IMPG1: variants seen among roughly 807,000 people sequenced by gnomAD.
IMPG1 encodes the protein interphotoreceptor matrix proteoglycan 1.
IMPG1 carries 85 observed loss-of-function variants against 92.0 expected under a neutral mutation model. The ratio of observed to expected loss-of-function variants is 0.92; its 90% CI spans 0.78 to 1.11. IMPG1 has a LOEUF of 1.11. Among genes scored for constraint, IMPG1 ranks in the 50% least tolerant of loss-of-function variants. The probability of loss-of-function intolerance (pLI) is 0.00; values close to 1 mark genes in which losing one functional copy is unlikely to be tolerated. For missense variants in IMPG1, 1,022 were observed against 956.0 expected, an observed-to-expected ratio of 1.07 and a Z score of -0.91; for synonymous variants, 367 against 334.1, an observed-to-expected ratio of 1.10 and a Z score of -1.08.
At chr6:75,972,741 C>A (rs1471530759) in intron 12 of IMPG1, among the ~76,000 whole-genome samples, 1 of 152,224 alleles carries the variant, frequency 6.6e-6, no homozygotes, top group Non-Finnish European at 1.5e-5. Flanking sequence ...ATTCTTCAGT[C>A]ATTCTTTAAA....
chr6:75,946,336 T>C (rs913663242), intron 14 of IMPG1, among the ~76,000 whole-genome samples: 1 of 152,200 alleles, frequency 6.6e-6, no homozygotes, highest in Admixed American at 6.5e-5. Context: ...CTGAGCCTTT[T>C]TGGTTTGCAT....
At chr6:76,022,697 A>G (rs1216399151) in intron 5 of IMPG1, among the ~76,000 whole-genome samples, 2 of 152,236 alleles carry the variant, frequency 1.3e-5, no homozygotes, top group Non-Finnish European at 2.9e-5. Context: ...CTTTTAGAAC[A>G]GATCACCATA....
intron 12 of IMPG1, among the ~76,000 whole-genome samples, chr6:76,002,110 A>G (rs1783002141): frequency 6.6e-6 from 1 of 152,156 alleles, no homozygotes; most frequent in African/African-American, 2.4e-5. Flanking sequence ...TGTACTTATA[A>G]TCACAGTACA....
rs777415260 is a variant in IMPG1, at chr6:75,931,040, T to C, written c.2156A>G (p.Gln719Arg). 81 of 1,614,098 alleles carry C rather than the reference T, an allele frequency of 5.0e-5. No individual in the cohort carries two copies. In the Admixed American group the frequency reaches 1.3e-3, roughly 26 times the overall value. Reference sequence around the variant, plus strand: ...TGGTTCCAGACCGTCCAGGCTCCCCTGGCTGTCATATCCTGGTTTGCAGCG... The same window carrying C: ...TGGTTCCAGACCGTCCAGGCTCCCCCGGCTGTCATATCCTGGTTTGCAGCG... ...ECRCKPGYDS[Q>R]GSLDGLEPGL... The change falls in exon 15 of 17, where the codon CAG becomes CGG. Residue 719 changes from glutamine to arginine, a missense_variant. Gln to Arg is a conservative substitution (Grantham distance 43, BLOSUM62 1). Coordinates refer to ENST00000369950, the MANE Select transcript of IMPG1 (RefSeq NM_001563.4).
In IMPG1 at chr6:75,923,658, C is replaced by G. The variant is rs529799646; in HGVS notation, c.2292G>C (p.Lys764Asn). 1.1e-5 allele frequency: 17 copies of G among 1,587,678 alleles called. No homozygotes were observed. Among genetic ancestry groups the G allele is most frequent in the Non-Finnish European group, 1.5e-5 (17 of 1,157,930 alleles). ...ENQAYKTSVKKFQNQQNNKVI... is the reference protein window; with the variant it reads ...ENQAYKTSVKNFQNQQNNKVI... ...CCTTGTTATTTTGTTGATTTTGGAA[C>G]TTTTTAACACTAGTTTTGTATGCTT... The change falls in exon 16 of 17, where the codon AAG becomes AAC. Residue 764 changes from lysine to asparagine, a missense_variant. By Grantham distance (94) the Lys-to-Asn change is moderately conservative (BLOSUM62 0). Coordinates refer to ENST00000369950, the MANE Select transcript of IMPG1 (RefSeq NM_001563.4).
intron 1 of IMPG1, among the ~76,000 whole-genome samples, chr6:76,065,247 T>A (rs1245083600): frequency 6.6e-6 from 1 of 151,848 alleles, no homozygotes; most frequent in African/African-American, 2.4e-5. Context: ...CAAAATGAAA[T>A]CTTTGAAATA....
intron 12 of IMPG1, among the ~76,000 whole-genome samples, chr6:75,964,834 T>A (rs909602912): frequency 6.6e-6 from 1 of 152,128 alleles, no homozygotes; most frequent in African/African-American, 2.4e-5. Flanking sequence ...TCACAAGGAT[T>A]CCTTCATGTT....
intron 1 of IMPG1, among the ~76,000 whole-genome samples, 160 bp downstream of exon 1, chr6:76,072,262 T>A (rs1181937471): frequency 6.6e-6 from 1 of 152,166 alleles, no homozygotes. Flanking sequence ...GAAAATCATT[T>A]CTGATAGTTA....
chr6:75,945,570 C>T (rs909210473), intron 14 of IMPG1, among the ~76,000 whole-genome samples: 7 of 152,030 alleles, frequency 4.6e-5, no homozygotes, highest in African/African-American at 9.7e-5. Flanking sequence ...AGGCTGATTT[C>T]GAACTCCTGA....
At chr6:75,934,052 A>G (rs1781701751) in intron 14 of IMPG1, among the ~76,000 whole-genome samples, 1 of 152,238 alleles carries the variant, frequency 6.6e-6, no homozygotes, top group Non-Finnish European at 1.5e-5. Context: ...CAGGACTCCA[A>G]GGGGCTCATA....
At chr6:76,004,676 C>A (rs1783060381) in intron 10 of IMPG1, among the ~76,000 whole-genome samples, 1 of 152,032 alleles carries the variant, frequency 6.6e-6, no homozygotes, top group Non-Finnish European at 1.5e-5. Flanking sequence ...TCTCTAGATC[C>A]ACTCTCCCCT....
chr6:75,992,221 C>T (rs1782824464), intron 12 of IMPG1, among the ~76,000 whole-genome samples: 1 of 152,212 alleles, frequency 6.6e-6, no homozygotes, highest in East Asian at 1.9e-4. Context: ...AGCCTGCCAC[C>T]TGCAGGCTTT....
chr6:76,019,530 C>T (rs1489496491), intron 6 of IMPG1, among the ~76,000 whole-genome samples: 1 of 152,154 alleles, frequency 6.6e-6, no homozygotes, highest in South Asian at 2.1e-4. Flanking sequence ...TAAATGGTAG[C>T]ATATGTATTT....
chr6:75,992,294 C>A (rs1782825255), intron 12 of IMPG1, among the ~76,000 whole-genome samples: 1 of 152,108 alleles, frequency 6.6e-6, no homozygotes, highest in Non-Finnish European at 1.5e-5. Flanking sequence ...TTAAATAAAT[C>A]TCTCTCTCCC....
chr6:75,990,134 C>G (rs1475322689), intron 12 of IMPG1, among the ~76,000 whole-genome samples: 1 of 152,162 alleles, frequency 6.6e-6, no homozygotes, highest in Non-Finnish European at 1.5e-5. Flanking sequence ...TCATCCCTAT[C>G]AATGAAGTAT....
rs764041223 is a variant in IMPG1 at position 76,002,922 on chromosome 6, T to C, written c.1287A>G (p.Leu429=). ...ACTTTGTGAGGGGAAACTTACCAGG[T>C]AGACCATGCTCTGCTCCGTCCACTG... ...LETVDGAEHG[L]PDTSWSPPAM... Residue 429 remains leucine (L), a synonymous_variant, in exon 12 of 17, where the codon CTA becomes CTG. Transcript: ENST00000369950. 2 of 1,612,280 alleles carry C rather than the reference T, an allele frequency of 1.2e-6. No individual in the cohort carries two copies. Among genetic ancestry groups the C allele is most frequent in the South Asian group, 2.2e-5 (2 of 91,034 alleles).
At chr6:76,032,671 A>G (rs1441676135) in intron 4 of IMPG1, among the ~76,000 whole-genome samples, 1 of 152,194 alleles carries the variant, frequency 6.6e-6, no homozygotes. Context: ...ATTGCTGCAA[A>G]CTCAAATAGT....
At chr6:76,022,374 T>C (rs750103686) in intron 5 of IMPG1, among the ~76,000 whole-genome samples, 155 bp from the exon 6 acceptor site, 1 of 152,214 alleles carries the variant, frequency 6.6e-6, no homozygotes, top group Non-Finnish European at 1.5e-5. Context: ...GTAAATATGT[T>C]CTTGAAAAAA....
chr6:76,012,602 G>A (rs138551779), intron 7 of IMPG1, among the ~76,000 whole-genome samples: 304 of 152,320 alleles, frequency 2.0e-3, no homozygotes, highest in African/African-American at 6.4e-3. Flanking sequence ...AAGGGATAGT[G>A]GTTGAGTAGT....
Sources: allele counts gnomAD v4.1 joint callset (sites outside exome capture counted in the v4.1 genomes callset), GRCh38; gene constraint gnomAD v4.1.1; transcripts MANE v1.5; gene names NCBI Gene and HGNC (gene_info 2026-07-23, HGNC 2026-07-21).